ANKDD1A: variants seen among roughly 807,000 people sequenced by gnomAD.
ANKDD1A encodes the protein ankyrin repeat and death domain-containing protein 1A.
ANKDD1A carries 59 observed loss-of-function variants against 63.5 expected under a neutral mutation model. The observed-to-expected ratio is 0.93, with a 90% CI of 0.75 to 1.15. ANKDD1A has a LOEUF of 1.15. Ranked by LOEUF, ANKDD1A falls within the 50% of genes most tolerant of loss-of-function variation. The pLI is 0.00. For synonymous variants in ANKDD1A, 266 were observed against 263.9 expected, an observed-to-expected ratio of 1.01 and a Z score of -0.08; for missense variants, 632 against 656.4, an observed-to-expected ratio of 0.96 and a Z score of 0.41.
rs1355160818 is a variant in ANKDD1A at position 64,947,646 on chromosome 15, C to T, written c.1351+53C>T. 5 of 1,577,006 alleles carry T rather than the reference C, an allele frequency of 3.2e-6. No individual in the cohort carries two copies. The Admixed American group carries it at 5.4e-5, about 17-fold the overall frequency. ...GCAACCATTGGGCGGAGGGGTGGGA[C>T]ACCTGAAATGTGTTCAGTTTTCTGT... is the stretch of plus-strand genomic sequence containing the variant. On this transcript the variant is annotated intron_variant, in intron 13 of 14. Transcript: ENST00000319580.
rs781079128 is a variant in ANKDD1A at position 64,947,439 on chromosome 15, C to G, written c.1197C>G (p.Ser399=). ...GTGATCCCTCTGGGAAGAGCTTGTCCTTTAAGCAGGACCATCGGCAGGAAA... is the reference window on the plus strand; with the variant it reads ...GTGATCCCTCTGGGAAGAGCTTGTCGTTTAAGCAGGACCATCGGCAGGAAA... ...HPSDPSGKSL[S]FKQDHRQETQ... Residue 399 remains serine, a synonymous_variant, in exon 13 of 15, where the codon TCC becomes TCG. Coordinates refer to ENST00000319580, the MANE Select transcript of ANKDD1A (RefSeq NM_182703.6). The G allele has an allele frequency of 1.2e-6, 2 of 1,613,966 alleles. No individual in the cohort carries two copies. The highest frequency in any genetic ancestry group is 2.7e-5 in the African/African-American group (2 of 74,924).
intron 6 of ANKDD1A, among the ~76,000 whole-genome samples, chr15:64,928,229 G>A (rs1171022089): frequency 6.6e-6 from 1 of 152,202 alleles, no homozygotes; most frequent in African/African-American, 2.4e-5. Flanking sequence ...TCCTGGGTTG[G>A]ACCCCCTTGG....
chr15:64,927,894 C>G (rs534638627), intron 6 of ANKDD1A, among the ~76,000 whole-genome samples: 2 of 152,162 alleles, frequency 1.3e-5, no homozygotes, highest in South Asian at 2.1e-4. Context: ...CGTAAGCCAT[C>G]GCGCCCGGCC....
rs374752901 is a variant in ANKDD1A at position 64,940,594 on chromosome 15, G to A, written c.868-1873G>A. 0.016 allele frequency among the ~76,000 whole-genome samples: 1,326 copies of A among 84,318 alleles called. 50 individuals are homozygous for A. In the South Asian group the frequency reaches 0.25, roughly 16 times the overall value. 55.3% of individuals were successfully genotyped at this position (84,318 alleles called of 152,430 possible). ...ACTACAGGCACCCGCCACCAAGCCCGGCTAATTTTTTGTATTTTTTTTTTT... is the reference window on the plus strand; with the variant it reads ...ACTACAGGCACCCGCCACCAAGCCCAGCTAATTTTTTGTATTTTTTTTTTT... On this transcript the variant is annotated intron_variant, in intron 9 of 14. Coordinates refer to ENST00000319580, the MANE Select transcript of ANKDD1A (RefSeq NM_182703.6).
intron 14 of ANKDD1A, chr15:64,950,882 A>T (rs565537418): frequency 2.3e-5 from 28 of 1,194,824 alleles, no homozygotes; most frequent in Non-Finnish European, 2.8e-5. Flanking sequence ...GTGGCATGCA[A>T]TTAAAACATA....
At chr15:64,931,387 C>T (rs1278966580) in intron 7 of ANKDD1A, 100 bp from the exon 8 acceptor site, 2 of 1,165,592 alleles carry the variant, frequency 1.7e-6, no homozygotes, top group Non-Finnish European at 2.4e-6. Flanking sequence ...TCAAGGGGTC[C>T]TGGGGCCAAG....
In ANKDD1A at chr15:64,926,934, C is replaced by T. The variant is rs1444732027; in HGVS notation, c.505C>T (p.His169Tyr). Residue 169 changes from histidine (H) to tyrosine (Y), a missense_variant, in exon 6 of 15, where the codon CAC (histidine) becomes TAC (tyrosine). His to Tyr is a moderately conservative substitution (Grantham distance 83, BLOSUM62 2). Transcript: ENST00000319580. ...GRTAFHRAAE[H>Y]GQLDALDFLV... Reference sequence around the variant, plus strand: ...GACGGCGTTTCACAGGGCAGCTGAGCACGGGCAGCTGGATGCTCTGGACTT... The same window carrying T: ...GACGGCGTTTCACAGGGCAGCTGAGTACGGGCAGCTGGATGCTCTGGACTT... 1 of 1,614,070 alleles carries T rather than the reference C, an allele frequency of 6.2e-7. No homozygotes were observed. The highest frequency in any genetic ancestry group is 1.3e-5 in the African/African-American group (1 of 74,916).
chr15:64,948,524 T>G (rs1489483509), intron 13 of ANKDD1A, among the ~76,000 whole-genome samples: 1 of 151,986 alleles, frequency 6.6e-6, no homozygotes, highest in Non-Finnish European at 1.5e-5. Context: ...AAAATAAAAT[T>G]AACATAAAGA....
At position 64,943,826 on chromosome 15, in the gene ANKDD1A, G is replaced by A. The variant is rs535726742; in HGVS notation, c.1065+244G>A. 26 of 531,568 alleles carry A rather than the reference G, an allele frequency of 4.9e-5. No individual in the cohort carries two copies. In the African/African-American group the frequency reaches 4.9e-4, roughly 10 times the overall value. 32.9% of individuals were successfully genotyped at this position (531,568 alleles called of 1,614,324 possible). ...TCTGGTATAGGCCTGTGAAATGATT[G>A]CTTTCTCCTTTATGGCCCCCATCAG... On this transcript the variant is annotated intron_variant, in intron 11 of 14. Coordinates refer to ENST00000319580, the MANE Select transcript of ANKDD1A (RefSeq NM_182703.6).
intron 11 of ANKDD1A, among the ~76,000 whole-genome samples, chr15:64,944,084 A>C (rs998562311): frequency 6.6e-6 from 1 of 152,190 alleles, no homozygotes; most frequent in Non-Finnish European, 1.5e-5. Flanking sequence ...AGGCCAGCCT[A>C]GTATGGTGTG....
At position 64,943,785 on chromosome 15, in the gene ANKDD1A, C is replaced by G. The variant is rs1208269716; in HGVS notation, c.1065+203C>G. 30 of 595,026 alleles carry G rather than the reference C, an allele frequency of 5.0e-5. 1 individual carries two copies. The highest frequency in any genetic ancestry group is 4.5e-4 in the Middle Eastern group (1 of 2,210). The allele number at this position is 595,026 out of a possible 1,614,324, so 36.9% of individuals were successfully genotyped here. Reference sequence around the variant, plus strand: ...CCCTCTCTCTACTAAGGTCCTTCAGCCTTGGCCCACCCCCCTCTGGTATAG... The same window carrying G: ...CCCTCTCTCTACTAAGGTCCTTCAGGCTTGGCCCACCCCCCTCTGGTATAG... On this transcript the variant is annotated intron_variant, in intron 11 of 14. Transcript: ENST00000319580.
At chr15:64,938,956 AAAG>A (rs1432450420) in intron 9 of ANKDD1A, among the ~76,000 whole-genome samples, 1 of 151,448 alleles carries the variant, frequency 6.6e-6, no homozygotes, top group Admixed American at 6.6e-5. Context: ...AAAAAAAAAA[AAAG>A]AAACTGAAGA....
In ANKDD1A at chr15:64,952,555, CTTCTCCTTCG is replaced by C. The variant is rs1444579230; in HGVS notation, c.1483+2588_1483+2597del. Among the ~76,000 whole-genome samples the C allele has an allele frequency of 2.3e-3, 313 of 138,322 alleles. 1 individual carries two copies. The highest frequency in any genetic ancestry group is 6.1e-3 in the African/African-American group (228 of 37,410). The allele number at this position is 138,322 out of a possible 152,430, so 90.7% of individuals were successfully genotyped here. On this transcript the variant is annotated intron_variant, in intron 14 of 14. Transcript: ENST00000319580. ...CTTCTTCTCCTTCTCCTCCTCCTTC[CTTCTCCTTCG>C]TTCTTCTTCTCCTTCTTTTCTTCTT... is the stretch of plus-strand genomic sequence containing the variant.
chr15:64,953,634 C>CTTAG (rs1566917728), intron 14 of ANKDD1A, among the ~76,000 whole-genome samples: 5 of 2,096 alleles, frequency 2.4e-3, no homozygotes, highest in Non-Finnish European at 0.017. Context: ...CTTCTTCCTT[C>CTTAG]TTCTTCCTCT....
Position 64,921,991 on chromosome 15 carries a change from C to T in ANKDD1A, c.338C>T (p.Ser113Leu). The change falls in exon 4 of 15, where the codon TCA (serine) becomes TTA (leucine). Residue 113 changes from serine (S) to leucine (L), a missense_variant. Ser to Leu is a moderately radical substitution (Grantham distance 145). Transcript: ENST00000319580. ...CGAATCCTCCAGATCTTGGTAAACT[C>T]AGGGGCCAAGATCCACTGTGAGAGC... The part of the protein sequence containing the change: ...HLRILQILVN[S>L]GAKIHCESKD... 1 of 1,614,206 alleles carries T rather than the reference C, an allele frequency of 6.2e-7. No homozygotes were observed.
intron 3 of ANKDD1A, among the ~76,000 whole-genome samples, chr15:64,919,463 T>C (rs2084993325): frequency 6.6e-6 from 1 of 152,208 alleles, no homozygotes; most frequent in Admixed American, 6.5e-5. Flanking sequence ...TTATAATTTT[T>C]AATTTAAAAA....
intron 13 of ANKDD1A, 35 bp downstream of exon 13, chr15:64,947,628 T>C (rs74019381): frequency 0.97 from 1,552,771 of 1,606,692 alleles, 753,180 homozygotes; most frequent in East Asian, 1. Flanking sequence ...TAAGCAACCA[T>C]TGGGCGGAGG....
At chr15:64,925,739 C>G (rs1316630838) in intron 4 of ANKDD1A, among the ~76,000 whole-genome samples, 1 of 152,180 alleles carries the variant, frequency 6.6e-6, no homozygotes, top group Non-Finnish European at 1.5e-5. Flanking sequence ...CTCTCAACCA[C>G]CCACTGAAGT....
At chr15:64,951,985 T>A (rs1595858824) in intron 14 of ANKDD1A, among the ~76,000 whole-genome samples, 1 of 147,950 alleles carries the variant, frequency 6.8e-6, no homozygotes, top group Non-Finnish European at 1.5e-5. Context: ...TTCCTTCTTA[T>A]TCTTCTTTCT....
Sources: allele counts gnomAD v4.1 joint callset (sites outside exome capture counted in the v4.1 genomes callset), GRCh38; gene constraint gnomAD v4.1.1; transcripts MANE v1.5; gene names NCBI Gene and HGNC (gene_info 2026-07-23, HGNC 2026-07-21).